CCDC102A: variants seen among roughly 807,000 people sequenced by gnomAD.
CCDC102A encodes the protein coiled-coil domain containing 102A.
A neutral mutation model predicts 55.5 loss-of-function variants in CCDC102A; 40 were observed. That is an observed-to-expected ratio of 0.72 (90% CI 0.56 to 0.94). The LOEUF is 0.94. Ranked by LOEUF, CCDC102A falls within the 40% of genes least tolerant of loss-of-function variation. CCDC102A has a pLI of 0.00. For synonymous variants in CCDC102A, 323 were observed against 339.0 expected (o/e 0.95, Z 0.52); for missense variants, 779 against 768.6 (o/e 1.01, Z -0.16).
At position 57,529,413 on chromosome 16, in the gene CCDC102A, G is replaced by A. The variant is rs751045850; in HGVS notation, c.-147-89C>T. 1 of 276,666 alleles carries A rather than the reference G, an allele frequency of 3.6e-6. No homozygotes were observed. Among genetic ancestry groups the A allele is most frequent in the Non-Finnish European group, 6.0e-6 (1 of 166,188 alleles). The allele number at this position is 276,666 out of a possible 1,614,324, so 17.1% of individuals were successfully genotyped here. On this transcript the variant is annotated intron_variant, in intron 1 of 8. Coordinates refer to ENST00000258214, the MANE Select transcript of CCDC102A (RefSeq NM_033212.4). This position sits in a 1 kb window ranked among gnomAD's most constrained non-coding sequence, Gnocchi z 4.1. ...AAGGCCCTGGCGGAGGGAACAGAAC[G>A]GCCAAGGTAGGAGGAGAGAGTTCTG...
At chr16:57,520,547 A>ATAACATAACATAACG (rs1258716749) in intron 4 of CCDC102A, among the ~76,000 whole-genome samples, 1 of 107,740 alleles carries the variant, frequency 9.3e-6, no homozygotes, top group African/African-American at 3.8e-5. Context: ...ATAACATAAC[A>ATAACATAACATAACG]TAACATAACA....
intron 1 of CCDC102A, among the ~76,000 whole-genome samples, chr16:57,532,829 GGGA>G (rs1331146760): frequency 4.6e-5 from 7 of 152,288 alleles, no homozygotes; most frequent in African/African-American, 1.4e-4. Flanking sequence ...GTGGGGGGAG[GGGA>G]GGAGGAGGAG....
intron 3 of CCDC102A, among the ~76,000 whole-genome samples, chr16:57,524,687 T>A (rs1401062611): frequency 2.0e-5 from 3 of 151,804 alleles, no homozygotes; most frequent in African/African-American, 7.3e-5. Context: ...ATTACAGACA[T>A]GAGTCACTGC....
intron 8 of CCDC102A, among the ~76,000 whole-genome samples, chr16:57,513,435 C>A (rs1441690666): frequency 1.3e-5 from 2 of 152,262 alleles, no homozygotes; most frequent in Non-Finnish European, 2.9e-5. Context: ...CCGGCTGCAT[C>A]TTACTGGAAG....
At chr16:57,524,582 A>T (rs1208926474) in intron 3 of CCDC102A, among the ~76,000 whole-genome samples, 3 of 100,064 alleles carry the variant, frequency 3.0e-5, no homozygotes, top group Non-Finnish European at 6.2e-5. Context: ...GTCTAAAAAA[A>T]ATATATATAT....
intron 8 of CCDC102A, 151 bp from the exon 9 acceptor site, chr16:57,513,021 T>C: frequency 1.6e-6 from 1 of 613,074 alleles, no homozygotes; most frequent in Non-Finnish European, 2.8e-6. Context: ...AGAAGTGCCA[T>C]TATCACCCCC....
At chr16:57,519,266 G>A (rs2032008326) in intron 4 of CCDC102A, among the ~76,000 whole-genome samples, 1 of 152,220 alleles carries the variant, frequency 6.6e-6, no homozygotes, top group Non-Finnish European at 1.5e-5. Flanking sequence ...CACTTCTTAG[G>A]ACTGATTTTT....
chr16:57,518,752 A>G lies in CCDC102A; in HGVS notation c.922-11T>C, dbSNP rs112312273. 7 of 1,588,862 alleles carry G rather than the reference A, an allele frequency of 4.4e-6. No individual in the cohort carries two copies. The Admixed American group carries it at 1.2e-4, about 28-fold the overall frequency. The stretch of plus-strand genomic sequence containing the variant: ...CTTCAGGATGCTGAGCTGCAGGGAT[A>G]AGGCCCCACCTGGTCATGAGAACCA... On this transcript the variant is annotated splice_polypyrimidine_tract_variant and intron_variant, in intron 4 of 8. Transcript: ENST00000258214.
intron 1 of CCDC102A, among the ~76,000 whole-genome samples, chr16:57,531,317 A>T (rs1264290710): frequency 6.8e-6 from 1 of 146,664 alleles, no homozygotes; most frequent in African/African-American, 2.5e-5. Context: ...CACTCCTTCC[A>T]GCTTTGAAGG....
In CCDC102A at chr16:57,512,741, C is replaced by T; in HGVS notation, c.1653G>A (p.Ter551=). ...CCATCCTGCCCAGCCACAGGAAGCT[C>T]TAGGCCACCTGGATTTGCAGGTCCT... is the stretch of plus-strand genomic sequence containing the variant. The part of the protein sequence containing the change: ...EDEDLQIQVA[*] The change falls in exon 9 of 9, where the codon TAG becomes TAA. Residue 551 remains the stop codon, a stop_retained_variant. Coordinates refer to ENST00000258214, the MANE Select transcript of CCDC102A (RefSeq NM_033212.4). The T allele has an allele frequency of 6.2e-7, 1 of 1,613,668 alleles. No homozygotes were observed. The highest frequency in any genetic ancestry group is 8.5e-7 in the Non-Finnish European group (1 of 1,179,730).
At chr16:57,518,487 A>G in intron 5 of CCDC102A, 138 bp downstream of exon 5, 1 of 818,202 alleles carries the variant, frequency 1.2e-6, no homozygotes, top group Non-Finnish European at 2.0e-6. Context: ...CCTCTTGCAG[A>G]TCAGGACACC....
chr16:57,519,180 A>G (rs1355651034), intron 4 of CCDC102A, among the ~76,000 whole-genome samples: 1 of 151,852 alleles, frequency 6.6e-6, no homozygotes, highest in Non-Finnish European at 1.5e-5. Context: ...GGCACCAGGG[A>G]CTCCTTTCTG....
Position 57,516,798 on chromosome 16 carries a change from C to T in CCDC102A, c.1249-335G>A, listed in dbSNP as rs184855631. ...GGATGAGGTCTGGAGTCTTCAGGGG[C>T]GTATGGCATTGAAAGAGCTGGGTTG... On this transcript the variant is annotated intron_variant, in intron 6 of 8. Coordinates refer to ENST00000258214, the MANE Select transcript of CCDC102A (RefSeq NM_033212.4). This position sits in a 1 kb window ranked among gnomAD's most constrained non-coding sequence, Gnocchi z 4.4. Among the ~76,000 whole-genome samples, 17 of 151,934 alleles carry T rather than the reference C, an allele frequency of 1.1e-4. No individual in the cohort carries two copies. Among genetic ancestry groups the T allele is most frequent in the East Asian group, 3.9e-4 (2 of 5,158 alleles).
At position 57,518,168 on chromosome 16, in the gene CCDC102A, C is replaced by G. The variant is rs2031989091; in HGVS notation, c.1148G>C (p.Gly383Ala). 6.2e-7 allele frequency: 1 copy of G among 1,612,322 alleles called. No homozygotes were observed. The stretch of plus-strand genomic sequence containing the variant: ...CCGGGCCAGCGCCTCCTCCAGGTCT[C>G]CGACCTGTGCCCGCAGCTTCTTGTT... Reference protein sequence around the residue: ...RENKKLRAQVGDLEEALARRR... With the variant: ...RENKKLRAQVADLEEALARRR... Residue 383 changes from glycine to alanine, a missense_variant, in exon 6 of 9, where the codon GGA (glycine) becomes GCA (alanine). Physicochemically the swap from Gly to Ala is moderately conservative, Grantham distance 60 (BLOSUM62 0). Transcript: ENST00000258214.
Position 57,528,621 on chromosome 16 carries a change from A to G in CCDC102A, c.557T>C (p.Val186Ala), listed in dbSNP as rs2032187283. Residue 186 changes from valine to alanine, a missense_variant, in exon 2 of 9, where the codon GTC becomes GCC. Transcript: ENST00000258214. ...PEAEREPVRD[V>A]GSERPPGSQE... ...GCTGCCTGGCGGCCTCTCGGACCCGACGTCACGCACTGGCTCGCGCTCCGC... is the reference window on the plus strand; with the variant it reads ...GCTGCCTGGCGGCCTCTCGGACCCGGCGTCACGCACTGGCTCGCGCTCCGC... 7.8e-6 allele frequency: 10 copies of G among 1,276,426 alleles called. No individual in the cohort carries two copies. In the African/African-American group the frequency reaches 8.1e-5, roughly 10 times the overall value. The allele number at this position is 1,276,426 out of a possible 1,614,324, so 79.1% of individuals were successfully genotyped here.
chr16:57,520,451 C>T (rs572771683), intron 4 of CCDC102A, among the ~76,000 whole-genome samples: 8 of 152,102 alleles, frequency 5.3e-5, no homozygotes, highest in East Asian at 1.9e-4. Flanking sequence ...TGGTGACTGT[C>T]GGTCTCCCAT....
intron 1 of CCDC102A, among the ~76,000 whole-genome samples, chr16:57,531,643 C>T (rs1167251642): frequency 6.6e-6 from 1 of 152,158 alleles, no homozygotes; most frequent in African/African-American, 2.4e-5. Flanking sequence ...GTTACTCCCT[C>T]TAGGACTCAA....
intron 1 of CCDC102A, among the ~76,000 whole-genome samples, chr16:57,534,743 A>C (rs186202755): frequency 6.6e-6 from 1 of 152,170 alleles, no homozygotes; most frequent in Non-Finnish European, 1.5e-5. Context: ...GAGTCATCCT[A>C]AAGATCAGGA....
In CCDC102A at chr16:57,515,385, C is replaced by T; in HGVS notation, c.1479G>A (p.Glu493=). Reference sequence around the variant, plus strand: ...GTTGCACTTGCAGGTTCTCGCTCTGCTCCGTCTGCTCGTCCAGCGACCGCT... The same window carrying T: ...GTTGCACTTGCAGGTTCTCGCTCTGTTCCGTCTGCTCGTCCAGCGACCGCT... The part of the protein sequence containing the change: ...KLQRSLDEQT[E]QSENLQVQLE... Residue 493 remains glutamate, a synonymous_variant, in exon 8 of 9, where the codon GAG becomes GAA. Coordinates refer to ENST00000258214, the MANE Select transcript of CCDC102A (RefSeq NM_033212.4). 1 of 1,609,518 alleles carries T rather than the reference C, an allele frequency of 6.2e-7. No individual in the cohort carries two copies. The highest frequency in any genetic ancestry group is 8.5e-7 in the Non-Finnish European group (1 of 1,178,940).
Sources: allele counts gnomAD v4.1 joint callset (sites outside exome capture counted in the v4.1 genomes callset), GRCh38; gene constraint gnomAD v4.1.1; non-coding constraint Gnocchi (gnomAD v3.1); transcripts MANE v1.5; gene names NCBI Gene and HGNC (gene_info 2026-07-23, HGNC 2026-07-21).